The following SLC37A3 variants were observed in gnomAD, a reference collection of about 807,000 sequenced individuals.
SLC37A3 encodes sugar phosphate exchanger 3.
A neutral mutation model predicts 67.1 loss-of-function variants in SLC37A3; 51 were observed. The observed-to-expected ratio is 0.76, with a 90% CI of 0.61 to 0.96. The LOEUF (loss-of-function observed/expected upper bound fraction) is 0.96. Among genes scored for constraint, SLC37A3 ranks in the 40% least tolerant of loss-of-function variants. The pLI, the probability that SLC37A3 is intolerant of heterozygous loss-of-function variation, is 0.00. For synonymous variants in SLC37A3, 214 were observed against 231.4 expected, an observed-to-expected ratio of 0.92 and a Z score of 0.68; for missense variants, 508 against 603.0, an observed-to-expected ratio of 0.84 and a Z score of 1.65.
chr7:140,359,193 A>T (rs1325227275), intron 5 of SLC37A3, among the ~76,000 whole-genome samples: 2 of 152,018 alleles, frequency 1.3e-5, no homozygotes, highest in African/African-American at 4.8e-5. Context: ...ATTATAAAAA[A>T]TTAGCTAGGC....
intron 13 of SLC37A3, among the ~76,000 whole-genome samples, chr7:140,342,882 T>A (rs774946623): frequency 6.6e-6 from 1 of 152,210 alleles, no homozygotes; most frequent in African/African-American, 2.4e-5. Context: ...CAGACACTTA[T>A]GGGCCACTCT....
rs547234196 is a variant in SLC37A3, at chr7:140,336,221, G to A, written c.1393-717C>T. On this transcript the variant is annotated intron_variant, in intron 14 of 14. Transcript: ENST00000326232. ...AGCCTCAGGAGTTTGAGACCAGCCT[G>A]GGCAACATGGTGAAACCACCTCTAG... Among the ~76,000 whole-genome samples, 16 of 152,330 alleles carry A rather than the reference G, an allele frequency of 1.1e-4. No homozygotes were observed. The South Asian group carries it at 2.5e-3, about 24-fold the overall frequency.
intron 8 of SLC37A3, 157 bp downstream of exon 8, chr7:140,351,902 CAAT>C: frequency 1.3e-6 from 1 of 763,192 alleles, no homozygotes; most frequent in Non-Finnish European, 2.3e-6. Flanking sequence ...GGGCTGGCTA[CAAT>C]GTCGACAGGA....
At chr7:140,368,185 G>A (rs1333199281) in intron 4 of SLC37A3, among the ~76,000 whole-genome samples, 1 of 152,044 alleles carries the variant, frequency 6.6e-6, no homozygotes, top group Non-Finnish European at 1.5e-5. Flanking sequence ...GGAAGCCCTA[G>A]GGCTCAGGTT....
rs575084663 is a variant in SLC37A3 at position 140,345,982 on chromosome 7, G to A, written c.1025-12C>T. ...TTGCAAAGTTCCACCTTCAAGCAGA[G>A]TGTCGAGCAATCAAAATCACTTCTA... On this transcript the variant is annotated splice_polypyrimidine_tract_variant and intron_variant, in intron 10 of 14. Transcript: ENST00000326232. 1.9e-6 allele frequency: 3 copies of A among 1,599,812 alleles called. No individual in the cohort carries two copies. Among genetic ancestry groups the A allele is most frequent in the Non-Finnish European group, 2.6e-6 (3 of 1,167,358 alleles).
chr7:140,342,982 G>A (rs1432817317), intron 13 of SLC37A3, among the ~76,000 whole-genome samples: 2 of 152,192 alleles, frequency 1.3e-5, no homozygotes, highest in Non-Finnish European at 2.9e-5. Flanking sequence ...GTCTGGCGGG[G>A]CCCAGGAAGG....
chr7:140,336,879 A>G (rs1585239536), intron 14 of SLC37A3, among the ~76,000 whole-genome samples: 2 of 152,034 alleles, frequency 1.3e-5, no homozygotes, highest in African/African-American at 4.8e-5. Flanking sequence ...CGGGTGGATC[A>G]CCTGAGGTCA....
At chr7:140,363,712 A>T (rs1251668662) in intron 5 of SLC37A3, among the ~76,000 whole-genome samples, 2 of 126,614 alleles carry the variant, frequency 1.6e-5, no homozygotes, top group South Asian at 2.6e-4. Flanking sequence ...AAATAAAAAA[A>T]TAAAAAAAAA....
chr7:140,395,822 A>G (rs1011810280), intron 1 of SLC37A3, among the ~76,000 whole-genome samples: 4 of 152,182 alleles, frequency 2.6e-5, no homozygotes, highest in African/African-American at 9.7e-5. Flanking sequence ...TACACACTCA[A>G]AGGAGAGGGG....
intron 5 of SLC37A3, among the ~76,000 whole-genome samples, chr7:140,361,723 T>G (rs1288010173): frequency 9.1e-4 from 135 of 148,494 alleles, no homozygotes; most frequent in South Asian, 1.9e-3. Context: ...TGGTTTTCGT[T>G]TTTTTTTTGG....
At chr7:140,357,083 G>A (rs1229411947) in intron 6 of SLC37A3, among the ~76,000 whole-genome samples, 3 of 151,850 alleles carry the variant, frequency 2.0e-5, no homozygotes, top group African/African-American at 2.4e-5. Flanking sequence ...GCATGGTGGC[G>A]GGCCCCTGTA....
chr7:140,369,748 G>C (rs750285545), intron 3 of SLC37A3, 66 bp from the exon 4 acceptor site: 2 of 1,338,640 alleles, frequency 1.5e-6, no homozygotes, highest in African/African-American at 2.9e-5. Flanking sequence ...GTTTCCCAAA[G>C]CCCCTTCACA....
At chr7:140,393,908 C>T (rs915577243) in intron 1 of SLC37A3, among the ~76,000 whole-genome samples, 2 of 152,174 alleles carry the variant, frequency 1.3e-5, no homozygotes, top group Admixed American at 6.5e-5. Flanking sequence ...CGATGGCTCA[C>T]ACTTGTAATC....
chr7:140,336,507 G>A (rs1447348420), intron 14 of SLC37A3, among the ~76,000 whole-genome samples: 1 of 152,248 alleles, frequency 6.6e-6, no homozygotes, highest in African/African-American at 2.4e-5. Context: ...AGCCAAGAAT[G>A]TCTAGGGCAT....
At chr7:140,372,420 T>C (rs140989076) in intron 3 of SLC37A3, among the ~76,000 whole-genome samples, 1 of 152,322 alleles carries the variant, frequency 6.6e-6, no homozygotes, top group Non-Finnish European at 1.5e-5. Flanking sequence ...CTTTCAACTT[T>C]GCTCCCTTCT....
At chr7:140,357,910 C>CAA in intron 6 of SLC37A3, among the ~76,000 whole-genome samples, 1 of 132,444 alleles carries the variant, frequency 7.6e-6, no homozygotes, top group Admixed American at 7.8e-5. Flanking sequence ...AACTCCATCT[C>CAA]AAAAAAAAAA....
chr7:140,338,553 C>A (rs1796234225), intron 13 of SLC37A3, among the ~76,000 whole-genome samples: 1 of 151,982 alleles, frequency 6.6e-6, no homozygotes, highest in South Asian at 2.1e-4. Flanking sequence ...CTTACTGCAA[C>A]CTCTGTCTCC....
At position 140,343,486 on chromosome 7, in the gene SLC37A3, T is replaced by TGGCGAGC. The variant is rs760264497; in HGVS notation, c.1251_1252insGCTCGCC (p.Arg418AlafsTer6). On this transcript the variant is annotated frameshift_variant, in exon 13 of 15. Coordinates refer to ENST00000326232, the MANE Select transcript of SLC37A3 (RefSeq NM_207113.3). LOFTEE classifies it high-confidence loss of function. ...ACAGTGGCCAAAGCTTCACTGCTCC[T>TGGCGAGC]TTGGATGAGCTCCTGGCGACCCAAG... The TGGCGAGC allele has an allele frequency of 8.1e-6, 13 of 1,614,110 alleles. No individual in the cohort carries two copies. In the East Asian group the frequency reaches 2.9e-4, roughly 36 times the overall value.
intron 14 of SLC37A3, 119 bp downstream of exon 14, chr7:140,337,164 AC>A (rs1381187433): frequency 3.5e-6 from 2 of 566,552 alleles, no homozygotes; most frequent in Non-Finnish European, 5.8e-6. Context: ...ATAAAATGTT[AC>A]TTTTCACAAA....
Sources: gnomAD v4.1 joint callset for allele counts (sites outside exome capture counted in the v4.1 genomes callset) on GRCh38, gnomAD v4.1.1 for gene constraint, MANE v1.5 for transcripts, NCBI Gene and HGNC (gene_info 2026-07-23, HGNC 2026-07-21) for gene names.